The following PDE7B variants were observed in gnomAD, a reference collection of about 807,000 sequenced individuals.
PDE7B encodes the protein phosphodiesterase 7B.
A neutral mutation model predicts 56.2 loss-of-function variants in PDE7B; 29 were observed. The observed-to-expected ratio is 0.52, with a 90% CI of 0.38 to 0.70. The LOEUF is 0.70. Among genes scored for constraint, PDE7B ranks in the 30% least tolerant of loss-of-function variants. The pLI is 0.00. For synonymous variants in PDE7B, 197 were observed against 196.9 expected, an observed-to-expected ratio of 1.00 and a Z score of 0.00; for missense variants, 490 against 565.0, an observed-to-expected ratio of 0.87 and a Z score of 1.35.
At position 136,182,567 on chromosome 6, in the gene PDE7B, A is replaced by T. The variant is rs962255225; in HGVS notation, c.1045+1244A>T. ...GTCTACTCTAGCCCACTTGGTTTTGACTCAATCATGCCCAGCATGATTAAA... is the reference window on the plus strand; with the variant it reads ...GTCTACTCTAGCCCACTTGGTTTTGTCTCAATCATGCCCAGCATGATTAAA... On this transcript the variant is annotated intron_variant, in intron 11 of 12. Coordinates refer to ENST00000308191, the MANE Select transcript of PDE7B (RefSeq NM_018945.4). Among the ~76,000 whole-genome samples, 45 of 152,248 alleles carry T rather than the reference A, an allele frequency of 3.0e-4. No individual in the cohort carries two copies. The Middle Eastern group carries it at 0.01, about 35-fold the overall frequency.
In PDE7B at chr6:135,911,360, A is replaced by T. The variant is rs543529415; in HGVS notation, c.22-36104A>T. The stretch of plus-strand genomic sequence containing the variant: ...CCAACTGGATGACCTTGGCCACCAC[A>T]CATCATATATTTCTTCTCCCCAGGG... On this transcript the variant is annotated intron_variant, in intron 1 of 12. Coordinates refer to ENST00000308191, the MANE Select transcript of PDE7B (RefSeq NM_018945.4). Among the ~76,000 whole-genome samples, 6 of 152,348 alleles carry T rather than the reference A, an allele frequency of 3.9e-5. No individual in the cohort carries two copies. In the South Asian group the frequency reaches 6.2e-4, roughly 16 times the overall value.
At chr6:136,087,251 A>G (rs765613180) in intron 2 of PDE7B, among the ~76,000 whole-genome samples, 41 of 152,318 alleles carry the variant, frequency 2.7e-4, no homozygotes, top group Middle Eastern at 6.8e-3. Context: ...GAGGGTGACT[A>G]ATTCACCATC....
At chr6:135,959,848 G>A (rs1415203746) in intron 2 of PDE7B, among the ~76,000 whole-genome samples, 1 of 152,018 alleles carries the variant, frequency 6.6e-6, no homozygotes, top group Non-Finnish European at 1.5e-5. Context: ...ATCAGAGCTC[G>A]CTGCCTCCTG....
rs539024333 is a variant in PDE7B, at chr6:135,887,472, G to T, written c.21+35453G>T. ...TAATTAAGAGAATATGAAAGGATCTGCTTAAATCAGAAAAGTGAACGTATC... is the reference window on the plus strand; with the variant it reads ...TAATTAAGAGAATATGAAAGGATCTTCTTAAATCAGAAAAGTGAACGTATC... On this transcript the variant is annotated intron_variant, in intron 1 of 12. Coordinates refer to ENST00000308191, the MANE Select transcript of PDE7B (RefSeq NM_018945.4). Among the ~76,000 whole-genome samples the T allele has an allele frequency of 3.3e-5, 5 of 152,210 alleles. No individual in the cohort carries two copies. In the East Asian group the frequency reaches 5.8e-4, roughly 18 times the overall value.
At chr6:136,156,314 C>T (rs752259287) in intron 8 of PDE7B, among the ~76,000 whole-genome samples, 2 of 152,068 alleles carry the variant, frequency 1.3e-5, no homozygotes, top group African/African-American at 2.4e-5. Flanking sequence ...CTCAGCCTCC[C>T]TAGTAGCTCA....
At chr6:135,900,999 C>G (rs1023833663) in intron 1 of PDE7B, among the ~76,000 whole-genome samples, 15 of 152,106 alleles carry the variant, frequency 9.9e-5, no homozygotes, top group African/African-American at 3.6e-4. Flanking sequence ...GTGTTTTCCC[C>G]AAAGAGTTTT....
intron 2 of PDE7B, among the ~76,000 whole-genome samples, chr6:135,953,605 C>G (rs1016614781): frequency 6.6e-6 from 1 of 152,014 alleles, no homozygotes; most frequent in Non-Finnish European, 1.5e-5. Flanking sequence ...TTTATTAATA[C>G]TCAATTTTTT....
intron 2 of PDE7B, among the ~76,000 whole-genome samples, chr6:135,950,972 A>C (rs779837348): frequency 3.9e-5 from 6 of 152,150 alleles, no homozygotes; most frequent in Non-Finnish European, 7.4e-5. Flanking sequence ...GTCATGTATG[A>C]GTCTTGCAGG....
intron 2 of PDE7B, chr6:136,047,589 G>C (rs1776536730): frequency 6.6e-6 from 1 of 152,136 alleles, no homozygotes; most frequent in Admixed American, 6.6e-5. Flanking sequence ...AAAATTGTTA[G>C]AAACATACTA....
intron 2 of PDE7B, among the ~76,000 whole-genome samples, chr6:136,024,838 TG>T (rs1776125073): frequency 6.6e-6 from 1 of 152,162 alleles, no homozygotes. Flanking sequence ...AAATGCCAAC[TG>T]GAAGATGGAA....
chr6:136,178,853 C>T (rs1220339371), intron 9 of PDE7B, 144 bp from the exon 10 acceptor site: 2 of 809,354 alleles, frequency 2.5e-6, no homozygotes, highest in East Asian at 2.5e-5. Context: ...TGCTCTCAGG[C>T]AGTGAAGGAC....
intron 8 of PDE7B, among the ~76,000 whole-genome samples, chr6:136,168,870 T>A (rs139426365): frequency 1.1e-3 from 169 of 152,314 alleles, no homozygotes; most frequent in African/African-American, 3.7e-3. Flanking sequence ...ATTAGAACAA[T>A]CAACCTTAGT....
At chr6:135,879,649 T>C (rs558667077) in intron 1 of PDE7B, among the ~76,000 whole-genome samples, 8 of 152,322 alleles carry the variant, frequency 5.3e-5, no homozygotes, top group African/African-American at 1.7e-4. Context: ...AAAATACTTT[T>C]TAAAGACATA....
chr6:136,169,353 T>C (rs142355558), intron 8 of PDE7B, among the ~76,000 whole-genome samples: 51 of 152,280 alleles, frequency 3.3e-4, no homozygotes, highest in South Asian at 2.3e-3. Context: ...ATCTACTCTA[T>C]TGTCTTTTAA....
rs540794886 is a variant in PDE7B, at chr6:135,889,251, A to G, written c.21+37232A>G. ...TCAGGCTCTCACTGAACCACCTTCAACCTGACCTGGGAAGACCCTGGCTCT... is the reference window on the plus strand; with the variant it reads ...TCAGGCTCTCACTGAACCACCTTCAGCCTGACCTGGGAAGACCCTGGCTCT... On this transcript the variant is annotated intron_variant, in intron 1 of 12. Coordinates refer to ENST00000308191, the MANE Select transcript of PDE7B (RefSeq NM_018945.4). Among the ~76,000 whole-genome samples, 12 of 151,972 alleles carry G rather than the reference A, an allele frequency of 7.9e-5. No homozygotes were observed. The East Asian group carries it at 1.6e-3, about 20-fold the overall frequency.
At chr6:135,958,200 C>A (rs1293378464) in intron 2 of PDE7B, among the ~76,000 whole-genome samples, 1 of 152,130 alleles carries the variant, frequency 6.6e-6, no homozygotes. Flanking sequence ...CCACTGCACT[C>A]CAGCCTGGGT....
intron 3 of PDE7B, among the ~76,000 whole-genome samples, chr6:136,123,393 A>G (rs1027008475): frequency 2.0e-5 from 3 of 152,188 alleles, no homozygotes; most frequent in African/African-American, 7.2e-5. Context: ...ATTCTTTTAG[A>G]GGAAATATTA....
At chr6:135,967,245 T>G (rs181539210) in intron 2 of PDE7B, among the ~76,000 whole-genome samples, 9 of 152,288 alleles carry the variant, frequency 5.9e-5, no homozygotes, top group Admixed American at 5.2e-4. Context: ...CTGTCTCAAA[T>G]TCCCCATCCT....
At chr6:136,088,259 T>C (rs1262370674) in intron 2 of PDE7B, among the ~76,000 whole-genome samples, 1 of 152,124 alleles carries the variant, frequency 6.6e-6, no homozygotes, top group Non-Finnish European at 1.5e-5. Context: ...GGTTATAATA[T>C]TACTATACCG....
Sources: allele counts gnomAD v4.1 joint callset (sites outside exome capture counted in the v4.1 genomes callset), GRCh38; gene constraint gnomAD v4.1.1; transcripts MANE v1.5; gene names NCBI Gene and HGNC (gene_info 2026-07-23, HGNC 2026-07-21).